HS3ST4: variants seen among roughly 807,000 people sequenced by gnomAD.
The protein encoded by HS3ST4 is heparan sulfate-glucosamine 3-sulfotransferase 4, also known as heparan sulfate glucosamine 3-O-sulfotransferase 4.
Under a neutral mutation model 29.2 loss-of-function variants are expected in HS3ST4, and 17 were observed. That is an observed-to-expected ratio of 0.58 (90% CI 0.40 to 0.87). The LOEUF (loss-of-function observed/expected upper bound fraction) is 0.87. Ranked by LOEUF, HS3ST4 falls within the 40% of genes least tolerant of loss-of-function variation. The pLI is 0.00. For synonymous variants in HS3ST4, 314 were observed against 285.7 expected (o/e 1.10, Z -1.00); for missense variants, 627 against 634.5 (o/e 0.99, Z 0.13).
intron 1 of HS3ST4, among the ~76,000 whole-genome samples, chr16:25,840,371 C>T (rs1022478538): frequency 6.6e-6 from 1 of 152,218 alleles, no homozygotes; most frequent in Non-Finnish European, 1.5e-5. Context: ...CAGAAACCCA[C>T]ATGGCATATG....
intron 1 of HS3ST4, among the ~76,000 whole-genome samples, chr16:25,971,021 T>A (rs1036301133): frequency 6.6e-6 from 1 of 151,992 alleles, no homozygotes; most frequent in Non-Finnish European, 1.5e-5. Context: ...TGTCTATTTT[T>A]TGTATTTTTA....
chr16:25,928,035 CAA>C (rs767016845), intron 1 of HS3ST4, among the ~76,000 whole-genome samples: 2 of 50,922 alleles, frequency 3.9e-5, no homozygotes, highest in Admixed American at 2.4e-4. Context: ...CCCATCTCGA[CAA>C]AAAAAAAAAA....
At chr16:26,119,974 G>A (rs1402391920) in intron 1 of HS3ST4, among the ~76,000 whole-genome samples, 1 of 152,038 alleles carries the variant, frequency 6.6e-6, no homozygotes, top group East Asian at 1.9e-4. Flanking sequence ...TTGGGGTGGG[G>A]GATTGCTAGA....
intron 1 of HS3ST4, among the ~76,000 whole-genome samples, chr16:25,982,307 C>T (rs4076875): frequency 0.32 from 48,511 of 152,084 alleles, 10,525 homozygotes; most frequent in East Asian, 0.61. Flanking sequence ...CAAATAGCCA[C>T]GCCCATGCCT....
chr16:25,828,726 G>A (rs887549826), intron 1 of HS3ST4, among the ~76,000 whole-genome samples: 9 of 152,076 alleles, frequency 5.9e-5, no homozygotes, highest in Non-Finnish European at 1.2e-4. Context: ...ACATACTTGA[G>A]GTTCAGCTCC....
At position 25,850,146 on chromosome 16, in the gene HS3ST4, T is replaced by A. The variant is rs140327719; in HGVS notation, c.734+156995T>A. Among the ~76,000 whole-genome samples the A allele has an allele frequency of 4.5e-3, 684 of 152,070 alleles. 5 individuals are homozygous for A. The highest frequency in any genetic ancestry group is 0.016 in the African/African-American group (654 of 41,484). On this transcript the variant is annotated intron_variant, in intron 1 of 1. Coordinates refer to ENST00000331351, the MANE Select transcript of HS3ST4 (RefSeq NM_006040.3). ...TCTCGAGTAGCTGGGATTACAGGCA[T>A]GCACCACCATGCCTGGCTAATTTTG...
At chr16:25,705,605 A>C (rs1383381945) in intron 1 of HS3ST4, among the ~76,000 whole-genome samples, 1 of 152,196 alleles carries the variant, frequency 6.6e-6, no homozygotes, top group Non-Finnish European at 1.5e-5. Context: ...CGGAGGTTGC[A>C]GTGAGCTGAG....
intron 1 of HS3ST4, among the ~76,000 whole-genome samples, chr16:25,702,468 C>T (rs4787740): frequency 0.51 from 77,716 of 151,842 alleles, 20,046 homozygotes; most frequent in South Asian, 0.64. Flanking sequence ...TACTAAGGGG[C>T]GCTGGAGAGG....
chr16:25,957,199 C>T (rs1316239053), intron 1 of HS3ST4, among the ~76,000 whole-genome samples: 1 of 152,012 alleles, frequency 6.6e-6, no homozygotes, highest in Non-Finnish European at 1.5e-5. Flanking sequence ...TTTCCAAAGG[C>T]CCTCTGATTC....
chr16:25,721,731 A>G (rs1167657075), intron 1 of HS3ST4, among the ~76,000 whole-genome samples: 1 of 152,246 alleles, frequency 6.6e-6, no homozygotes, highest in Non-Finnish European at 1.5e-5. Flanking sequence ...GATACTGCCC[A>G]GTGCAAGAGG....
chr16:26,049,615 G>A (rs1898312529), intron 1 of HS3ST4, among the ~76,000 whole-genome samples: 1 of 152,026 alleles, frequency 6.6e-6, no homozygotes, highest in South Asian at 2.1e-4. Flanking sequence ...AAGCAAGCAA[G>A]CAAGCAAGCA....
intron 1 of HS3ST4, among the ~76,000 whole-genome samples, chr16:25,941,865 C>T (rs1596621130): frequency 1.3e-5 from 2 of 152,328 alleles, no homozygotes; most frequent in South Asian, 2.1e-4. Flanking sequence ...TGTGAGCCAC[C>T]ATGCCTGGCC....
chr16:26,114,550 AATAC>A (rs1393127341), intron 1 of HS3ST4, among the ~76,000 whole-genome samples: 1 of 152,144 alleles, frequency 6.6e-6, no homozygotes, highest in South Asian at 2.1e-4. Flanking sequence ...AAGGAAGAAA[AATAC>A]ATATGTGCCA....
intron 1 of HS3ST4, chr16:26,025,098 A>G (rs969987110): frequency 4.1e-4 from 63 of 152,252 alleles, no homozygotes; most frequent in Admixed American, 1.1e-3. Context: ...GCTTTTATAT[A>G]GATTTGCAGA....
At chr16:25,955,498 C>T (rs527259041) in intron 1 of HS3ST4, among the ~76,000 whole-genome samples, 256 of 152,282 alleles carry the variant, frequency 1.7e-3, no homozygotes, top group Middle Eastern at 3.4e-3. Context: ...GCTAACACTT[C>T]CAATGAATTT....
chr16:26,130,905 C>T (rs1189559586), intron 1 of HS3ST4, among the ~76,000 whole-genome samples: 4 of 152,200 alleles, frequency 2.6e-5, no homozygotes, highest in Admixed American at 2.6e-4. Context: ...AATCCCTCCA[C>T]CTGGGTATGT....
At chr16:25,906,644 T>C (rs4324132) in intron 1 of HS3ST4, among the ~76,000 whole-genome samples, 25,486 of 152,142 alleles carry the variant, frequency 0.17, 2,636 homozygotes, top group Admixed American at 0.28. Context: ...AAAGGAAACA[T>C]TTATACCTGT....
At chr16:25,999,232 T>G (rs1485413197) in intron 1 of HS3ST4, among the ~76,000 whole-genome samples, 1 of 152,172 alleles carries the variant, frequency 6.6e-6, no homozygotes. Context: ...ACACCATTTA[T>G]ATTTGTAGTG....
At chr16:25,848,457 A>G (rs1390502066) in intron 1 of HS3ST4, among the ~76,000 whole-genome samples, 1 of 61,672 alleles carries the variant, frequency 1.6e-5, no homozygotes, top group Non-Finnish European at 2.7e-5. Context: ...AAACGAAAAA[A>G]TAATTTTTTT....
Sources: allele counts gnomAD v4.1 joint callset (sites outside exome capture counted in the v4.1 genomes callset), GRCh38; gene constraint gnomAD v4.1.1; transcripts MANE v1.5; gene names NCBI Gene and HGNC (gene_info 2026-07-23, HGNC 2026-07-21).